The following SH2D3C variants were observed in gnomAD, a reference collection of about 807,000 sequenced individuals.
The protein encoded by SH2D3C is SH2 domain-containing protein 3C.
A neutral mutation model predicts 75.2 loss-of-function variants in SH2D3C; 25 were observed. The ratio of observed to expected loss-of-function variants is 0.33; its 90% CI spans 0.24 to 0.46. The LOEUF is 0.46. Ranked by LOEUF, SH2D3C falls within the 20% of genes least tolerant of loss-of-function variation. The probability of loss-of-function intolerance (pLI) is 1.00; values close to 1 mark genes in which losing one functional copy is unlikely to be tolerated. For missense variants in SH2D3C, 933 were observed against 1,165.3 expected, an observed-to-expected ratio of 0.80 and a Z score of 2.90; for synonymous variants, 450 against 473.7, an observed-to-expected ratio of 0.95 and a Z score of 0.65.
At chr9:127,762,994 A>T (rs1202461093) in intron 2 of SH2D3C, among the ~76,000 whole-genome samples, 1 of 152,132 alleles carries the variant, frequency 6.6e-6, no homozygotes, top group Middle Eastern at 3.2e-3. Context: ...CCCGACAGCC[A>T]CCCTGCCGAC....
At chr9:127,770,595 G>A (rs1459589040) in intron 2 of SH2D3C, among the ~76,000 whole-genome samples, 1 of 152,146 alleles carries the variant, frequency 6.6e-6, no homozygotes, top group Non-Finnish European at 1.5e-5. Flanking sequence ...TGGAGCACTG[G>A]GTCCCGGGGC....
rs542235980 is a variant in SH2D3C at position 127,762,636 on chromosome 9, C to T, written c.516-986G>A. 1.7e-3 allele frequency among the ~76,000 whole-genome samples: 261 copies of T among 152,364 alleles called. 2 individuals are homozygous for T. Among genetic ancestry groups the T allele is most frequent in the African/African-American group, 6.0e-3 (250 of 41,592 alleles). On this transcript the variant is annotated intron_variant, in intron 2 of 11. Coordinates refer to ENST00000314830, the MANE Select transcript of SH2D3C (RefSeq NM_170600.3). ...CAGAATCCTCTCCGCATGTCCACCC[C>T]GTCCCCAAAGTGGGGCCACCCTCGT...
rs757244569 is a variant in SH2D3C, at chr9:127,740,339, G to A, written c.2119C>T (p.Leu707=). 37 of 1,614,026 alleles carry A rather than the reference G, an allele frequency of 2.3e-5. No homozygotes were observed. Among genetic ancestry groups the A allele is most frequent in the Non-Finnish European group, 6.8e-6 (8 of 1,180,028 alleles). The change falls in exon 10 of 12, where the codon CTG becomes TTG. Residue 707 remains leucine (L), a synonymous_variant. Transcript: ENST00000314830. ...GCACCCTCTGTGTGTCGCTGCCGCA[G>A]GGTCACCCATGTCTGCTCCAGCCGA... The part of the protein sequence containing the change: ...ISRLEQTWVT[L]RQRHTEGAIL...
chr9:127,750,929 A>C (rs1845184364), intron 4 of SH2D3C, among the ~76,000 whole-genome samples: 1 of 152,238 alleles, frequency 6.6e-6, no homozygotes, highest in Non-Finnish European at 1.5e-5. Flanking sequence ...TTTTACCTGC[A>C]TTATTTCGTT....
chr9:127,759,664 C>A (rs1234720674), intron 3 of SH2D3C, among the ~76,000 whole-genome samples: 1 of 151,968 alleles, frequency 6.6e-6, no homozygotes, highest in African/African-American at 2.4e-5. Context: ...GCCTGGGCAA[C>A]ACAGTGAGAC....
In SH2D3C at chr9:127,766,766, C is replaced by G. The variant is rs548915513; in HGVS notation, c.516-5116G>C. On this transcript the variant is annotated intron_variant, in intron 2 of 11. Transcript: ENST00000314830. ...TGTATTTTTAGTAGAGATGGGGTTT[C>G]ACCATGTTGGCCAGGCTGGTCTTGA... 56 of 639,678 alleles carry G rather than the reference C, an allele frequency of 8.8e-5. No homozygotes were observed. In the African/African-American group the frequency reaches 9.0e-4, roughly 10 times the overall value. The allele number at this position is 639,678 out of a possible 1,614,324, so 39.6% of individuals were successfully genotyped here.
chr9:127,770,262 C>T lies in SH2D3C; in HGVS notation c.515+3728G>A, dbSNP rs559022231. 4.6e-5 allele frequency among the ~76,000 whole-genome samples: 7 copies of T among 152,290 alleles called. No individual in the cohort carries two copies. The South Asian group carries it at 1.0e-3, about 23-fold the overall frequency. On this transcript the variant is annotated intron_variant, in intron 2 of 11. Coordinates refer to ENST00000314830, the MANE Select transcript of SH2D3C (RefSeq NM_170600.3). ...GCAGCCTCACCTCTTCCCCTTCCTT[C>T]CTCCTGCTCCAGGTGCACCCTGTCT...
At chr9:127,764,946 T>C (rs1447342803) in intron 2 of SH2D3C, among the ~76,000 whole-genome samples, 3 of 152,064 alleles carry the variant, frequency 2.0e-5, no homozygotes, top group Non-Finnish European at 4.4e-5. Flanking sequence ...TGACCTCAGG[T>C]GATCTGCCTG....
At position 127,743,479 on chromosome 9, in the gene SH2D3C, G is replaced by A. The variant is rs143213233; in HGVS notation, c.1801-515C>T. 2.8e-4 allele frequency among the ~76,000 whole-genome samples: 43 copies of A among 152,182 alleles called. No homozygotes were observed. The South Asian group carries it at 8.7e-3, about 31-fold the overall frequency. ...TATCACGCCACTGCACTCCAGCCTC[G>A]GTGACAGAGTGAGACTCCATCTCAA... On this transcript the variant is annotated intron_variant, in intron 7 of 11. Coordinates refer to ENST00000314830, the MANE Select transcript of SH2D3C (RefSeq NM_170600.3).
Position 127,751,846 on chromosome 9 carries a change from A to G in SH2D3C, c.556-546T>C, listed in dbSNP as rs897176123. 4.6e-5 allele frequency among the ~76,000 whole-genome samples: 7 copies of G among 152,228 alleles called. No individual in the cohort carries two copies. Among genetic ancestry groups the G allele is most frequent in the Non-Finnish European group, 1.0e-4 (7 of 68,036 alleles). ...CAGGTAACTGCAGGAAAAGCTATGA[A>G]CAAAACCACAGAACTGGTTGGACAA... is the stretch of plus-strand genomic sequence containing the variant. On this transcript the variant is annotated intron_variant, in intron 3 of 11. Transcript: ENST00000314830. The surrounding 1 kb of genome is among the most constrained non-coding windows in gnomAD (Gnocchi z 4.1).
chr9:127,745,962 T>C (rs1342202154), intron 6 of SH2D3C, among the ~76,000 whole-genome samples: 1 of 152,192 alleles, frequency 6.6e-6, no homozygotes, highest in Non-Finnish European at 1.5e-5. Context: ...ATCCTTTCAA[T>C]GTCCTATGAA....
intron 6 of SH2D3C, among the ~76,000 whole-genome samples, chr9:127,746,195 T>C (rs1845025274): frequency 1.3e-5 from 2 of 152,274 alleles, no homozygotes; most frequent in South Asian, 4.1e-4. Flanking sequence ...AAATCAAGTT[T>C]GTAGTTATGA....
chr9:127,740,973 G>A (rs913676978), intron 9 of SH2D3C, among the ~76,000 whole-genome samples: 1 of 151,432 alleles, frequency 6.6e-6, no homozygotes, highest in Non-Finnish European at 1.5e-5. Context: ...GAGCTACCGC[G>A]CCTGGCTGTT....
At position 127,771,053 on chromosome 9, in the gene SH2D3C, G is replaced by C. The variant is rs1019829103; in HGVS notation, c.515+2937C>G. 9 of 626,558 alleles carry C rather than the reference G, an allele frequency of 1.4e-5. No individual in the cohort carries two copies. The African/African-American group carries it at 1.7e-4, about 12-fold the overall frequency. 38.8% of individuals were successfully genotyped at this position (626,558 alleles called of 1,614,324 possible). A position where few individuals can be genotyped will look rare whatever the true frequency, so the allele number is the denominator to read the frequency against. ...CTGCGGTGACAAAGTTACACCCAAA[G>C]AAAACTGGCTTAGAAAAGTCCCTGA... On this transcript the variant is annotated intron_variant, in intron 2 of 11. Transcript: ENST00000314830.
In SH2D3C at chr9:127,754,162, A is replaced by G. The variant is rs960942063; in HGVS notation, c.556-2862T>C. On this transcript the variant is annotated intron_variant, in intron 3 of 11. Coordinates refer to ENST00000314830, the MANE Select transcript of SH2D3C (RefSeq NM_170600.3). The surrounding 1 kb of genome is among the most constrained non-coding windows in gnomAD (Gnocchi z 4.4). ...GCATCCCTGCGCTCGGCGCCCTGCTATTGGCCAGAGATGATCTCACCGCCT... is the reference window on the plus strand; with the variant it reads ...GCATCCCTGCGCTCGGCGCCCTGCTGTTGGCCAGAGATGATCTCACCGCCT... Among the ~76,000 whole-genome samples, 6 of 152,088 alleles carry G rather than the reference A, an allele frequency of 3.9e-5. No individual in the cohort carries two copies. The highest frequency in any genetic ancestry group is 1.4e-4 in the African/African-American group (6 of 41,426).
intron 2 of SH2D3C, among the ~76,000 whole-genome samples, chr9:127,764,360 G>A (rs1289187333): frequency 6.6e-6 from 1 of 152,128 alleles, no homozygotes; most frequent in Non-Finnish European, 1.5e-5. Flanking sequence ...TCACTTGCCT[G>A]GACTATCACC....
rs1405062174 is a variant in SH2D3C at position 127,774,804 on chromosome 9, C to T, written c.38-337G>A. ...GGGCAATGTGAGAATTACAGAAAAG[C>T]TTAGGCCAGGCGTGGTGGCTCATGC... On this transcript the variant is annotated intron_variant, in intron 1 of 11. Transcript: ENST00000314830. This position sits in a 1 kb window ranked among gnomAD's most constrained non-coding sequence, Gnocchi z 4.3. Among the ~76,000 whole-genome samples, 1 of 152,182 alleles carries T rather than the reference C, an allele frequency of 6.6e-6. No individual in the cohort carries two copies. Among genetic ancestry groups the T allele is most frequent in the Non-Finnish European group, 1.5e-5 (1 of 68,028 alleles).
At position 127,738,972 on chromosome 9, in the gene SH2D3C, A is replaced by T; in HGVS notation, c.2408-51T>A. On this transcript the variant is annotated intron_variant, in intron 11 of 11. Transcript: ENST00000314830. The surrounding 1 kb of genome is among the most constrained non-coding windows in gnomAD (Gnocchi z 5.0). Reference sequence around the variant, plus strand: ...GGCAGAGGCTGGGGTTCCTGTCCAGAGCCCTAGCATTCTTCAGGACCCCCC... The same window carrying T: ...GGCAGAGGCTGGGGTTCCTGTCCAGTGCCCTAGCATTCTTCAGGACCCCCC... The T allele has an allele frequency of 1.4e-6, 2 of 1,461,960 alleles. No homozygotes were observed. Among genetic ancestry groups the T allele is most frequent in the Non-Finnish European group, 1.8e-6 (2 of 1,099,430 alleles). The allele number at this position is 1,461,960 out of a possible 1,614,324, so 90.6% of individuals were successfully genotyped here. A position where few individuals can be genotyped will look rare whatever the true frequency, so the allele number is the denominator to read the frequency against.
chr9:127,766,387 G>C (rs543375422), intron 2 of SH2D3C, among the ~76,000 whole-genome samples: 3 of 152,306 alleles, frequency 2.0e-5, no homozygotes, highest in Admixed American at 2.0e-4. Flanking sequence ...CTGTAAAGTG[G>C]GCACATTATA....
Sources: allele counts gnomAD v4.1 joint callset (sites outside exome capture counted in the v4.1 genomes callset), GRCh38; gene constraint gnomAD v4.1.1; non-coding constraint Gnocchi (gnomAD v3.1); transcripts MANE v1.5; gene names NCBI Gene and HGNC (gene_info 2026-07-23, HGNC 2026-07-21).